The following ZNF462 variants were observed in gnomAD, a reference collection of about 807,000 sequenced individuals.
ZNF462 encodes the protein zinc finger protein 462, also known as zinc finger PBX1-interacting protein.
ZNF462 carries 10 observed loss-of-function variants against 201.9 expected under a neutral mutation model. The ratio of observed to expected loss-of-function variants is 0.05; its 90% CI spans 0.03 to 0.08. ZNF462 has a LOEUF of 0.08. Ranked by LOEUF, ZNF462 falls within the 10% of genes least tolerant of loss-of-function variation. The pLI is 1.00. For synonymous variants in ZNF462, 1,227 were observed against 1,193.3 expected (o/e 1.03, Z -0.58); for missense variants, 2,523 against 3,168.3 (o/e 0.80, Z 4.89).
At position 106,920,412 on chromosome 9, in the gene ZNF462, T is replaced by C. The variant is rs917243907; in HGVS notation, c.-30-2942T>C. ...GAGAAATGTGTACACAAAAGCAAGA[T>C]GGCTTTCAAAGTAGGCTACATCCTC... On this transcript the variant is annotated intron_variant, in intron 1 of 12. Transcript: ENST00000277225. This position sits in a 1 kb window ranked among gnomAD's most constrained non-coding sequence, Gnocchi z 4.3. 1.3e-5 allele frequency among the ~76,000 whole-genome samples: 2 copies of C among 152,240 alleles called. No individual in the cohort carries two copies. The highest frequency in any genetic ancestry group is 4.8e-5 in the African/African-American group (2 of 41,466).
rs1478932093 is a variant in ZNF462 at position 106,919,135 on chromosome 9, T to C, written c.-30-4219T>C. On this transcript the variant is annotated intron_variant, in intron 1 of 12. Transcript: ENST00000277225. This position sits in a 1 kb window ranked among gnomAD's most constrained non-coding sequence, Gnocchi z 4.5. The stretch of plus-strand genomic sequence containing the variant: ...TTAGATCCAGGCAAGGCCTATGCCT[T>C]TTAATTTGATCACTTCCTGAAGAGA... Among the ~76,000 whole-genome samples the C allele has an allele frequency of 2.0e-5, 3 of 152,250 alleles. No individual in the cohort carries two copies. Among genetic ancestry groups the C allele is most frequent in the African/African-American group, 7.2e-5 (3 of 41,478 alleles).
Position 107,003,995 on chromosome 9 carries a change from G to A in ZNF462, c.7189+569G>A, listed in dbSNP as rs1419346570. Among the ~76,000 whole-genome samples the A allele has an allele frequency of 6.6e-6, 1 of 152,118 alleles. No individual in the cohort carries two copies. The highest frequency in any genetic ancestry group is 1.5e-5 in the Non-Finnish European group (1 of 68,008). ...CAACTATGTATTTACAGAATACACT[G>A]GGGAAGGTTTTGTGGGACTTTGGTA... On this transcript the variant is annotated intron_variant, in intron 11 of 12. Coordinates refer to ENST00000277225, the MANE Select transcript of ZNF462 (RefSeq NM_021224.6). The surrounding 1 kb of genome is among the most constrained non-coding windows in gnomAD (Gnocchi z 4.4).
intron 1 of ZNF462, among the ~76,000 whole-genome samples, chr9:106,873,631 C>G (rs1177921612): frequency 6.6e-6 from 1 of 152,138 alleles, no homozygotes; most frequent in African/African-American, 2.4e-5. Flanking sequence ...CCCTCCACCC[C>G]TTTTTGTGAT....
rs372431011 is a variant in ZNF462 at position 106,929,039 on chromosome 9, C to A, written c.5127C>A (p.Arg1709=). 161 of 1,613,974 alleles carry A rather than the reference C, an allele frequency of 1.0e-4. No individual in the cohort carries two copies. Among genetic ancestry groups the A allele is most frequent in the Non-Finnish European group, 1.3e-4 (157 of 1,180,044 alleles). ...CALCAYTNPI[R]KGLAAHYQKR... ...TGTGTGCCTACACCAACCCCATCCGCAAAGGTCTGGCAGCCCACTACCAGA... is the reference window on the plus strand; with the variant it reads ...TGTGTGCCTACACCAACCCCATCCGAAAAGGTCTGGCAGCCCACTACCAGA... Residue 1709 remains arginine, a synonymous_variant, in exon 3 of 13, where the codon CGC becomes CGA. Transcript: ENST00000277225. This position sits in a 1 kb window ranked among gnomAD's most constrained non-coding sequence, Gnocchi z 8.7.
Position 106,966,329 on chromosome 9 carries a change from T to C in ZNF462, c.6428-5676T>C, listed in dbSNP as rs895378319. On this transcript the variant is annotated intron_variant, in intron 7 of 12. Coordinates refer to ENST00000277225, the MANE Select transcript of ZNF462 (RefSeq NM_021224.6). This position sits in a 1 kb window ranked among gnomAD's most constrained non-coding sequence, Gnocchi z 4.4. ...TTTTTTCATTGTGATAATAATGTAG[T>C]TGTTGAATTTCTGTTTAGTTTCTCC... is the stretch of plus-strand genomic sequence containing the variant. Among the ~76,000 whole-genome samples, 4 of 152,054 alleles carry C rather than the reference T, an allele frequency of 2.6e-5. No individual in the cohort carries two copies. Among genetic ancestry groups the C allele is most frequent in the African/African-American group, 9.7e-5 (4 of 41,400 alleles).
chr9:106,867,344 A>T (rs776481868), intron 1 of ZNF462, among the ~76,000 whole-genome samples: 1 of 152,222 alleles, frequency 6.6e-6, no homozygotes, highest in Non-Finnish European at 1.5e-5. Flanking sequence ...AGACAAGTTC[A>T]TGTGGCTTAT....
rs1827275596 is a variant in ZNF462 at position 106,865,125 on chromosome 9, G to A, written c.-31+1770G>A. On this transcript the variant is annotated intron_variant, in intron 1 of 12. Transcript: ENST00000277225. The surrounding 1 kb of genome is among the most constrained non-coding windows in gnomAD (Gnocchi z 4.1). ...TGCAAGGAAATGAGGGCTTTTAAGGGTTCCTCAGATTTTTCTCCACCAAAG... is the reference window on the plus strand; with the variant it reads ...TGCAAGGAAATGAGGGCTTTTAAGGATTCCTCAGATTTTTCTCCACCAAAG... Among the ~76,000 whole-genome samples the A allele has an allele frequency of 6.6e-6, 1 of 152,234 alleles. No individual in the cohort carries two copies. The highest frequency in any genetic ancestry group is 2.1e-4 in the South Asian group (1 of 4,818).
intron 1 of ZNF462, among the ~76,000 whole-genome samples, chr9:106,864,052 CTCTCTCT>C (rs1827186226): frequency 3.6e-5 from 2 of 55,994 alleles, no homozygotes; most frequent in African/African-American, 1.7e-4. Context: ...CTCTCTCTCT[CTCTCTCT>C]CTCTCTCTCT....
At position 106,917,108 on chromosome 9, in the gene ZNF462, G is replaced by A. The variant is rs1829805191; in HGVS notation, c.-30-6246G>A. Among the ~76,000 whole-genome samples, 1 of 152,222 alleles carries A rather than the reference G, an allele frequency of 6.6e-6. No homozygotes were observed. The highest frequency in any genetic ancestry group is 1.5e-5 in the Non-Finnish European group (1 of 68,044). On this transcript the variant is annotated intron_variant, in intron 1 of 12. Coordinates refer to ENST00000277225, the MANE Select transcript of ZNF462 (RefSeq NM_021224.6). The surrounding 1 kb of genome is among the most constrained non-coding windows in gnomAD (Gnocchi z 4.5). ...AATGCATGAATTCTCCAGAAGGTAT[G>A]TAGTATCTCTTTCTGTATGAGACAC...
At chr9:106,979,028 A>G in intron 9 of ZNF462, 1 of 203,678 alleles carries the variant, frequency 4.9e-6, no homozygotes, top group Non-Finnish European at 9.7e-6. Context: ...TCTCCTTGAT[A>G]ATACAATAGG....
chr9:106,967,564 A>G (rs886486525), intron 7 of ZNF462, among the ~76,000 whole-genome samples: 1 of 152,034 alleles, frequency 6.6e-6, no homozygotes, highest in Non-Finnish European at 1.5e-5. Flanking sequence ...AGGACATCCC[A>G]TTTAGAATTC....
rs1829947489 is a variant in ZNF462 at position 106,920,507 on chromosome 9, G to T, written c.-30-2847G>T. Reference sequence around the variant, plus strand: ...CTACCTGATGCTGGTTCTCTCAGCGGCCTGGAGATTAACCTCTTCTAAGGC... The same window carrying T: ...CTACCTGATGCTGGTTCTCTCAGCGTCCTGGAGATTAACCTCTTCTAAGGC... On this transcript the variant is annotated intron_variant, in intron 1 of 12. Transcript: ENST00000277225. This position sits in a 1 kb window ranked among gnomAD's most constrained non-coding sequence, Gnocchi z 4.3. Among the ~76,000 whole-genome samples the T allele has an allele frequency of 1.3e-5, 2 of 152,208 alleles. No homozygotes were observed.
At chr9:106,900,533 G>A (rs1468747532) in intron 1 of ZNF462, among the ~76,000 whole-genome samples, 1 of 152,008 alleles carries the variant, frequency 6.6e-6, no homozygotes, top group Admixed American at 6.6e-5. Flanking sequence ...TCTGTTCACC[G>A]CATCCATGCC....
intron 7 of ZNF462, among the ~76,000 whole-genome samples, chr9:106,971,663 A>T (rs1008375518): frequency 2.6e-5 from 4 of 151,976 alleles, no homozygotes; most frequent in Non-Finnish European, 5.9e-5. Context: ...AGTTCTAGGG[A>T]TCCAATGTGC....
Position 107,012,086 on chromosome 9 carries a change from TAAC to T in ZNF462, c.*1059_*1061del, listed in dbSNP as rs1271660525. 2.0e-5 allele frequency: 3 copies of T among 148,368 alleles called. No individual in the cohort carries two copies. Among genetic ancestry groups the T allele is most frequent in the Non-Finnish European group, 3.0e-5 (2 of 67,056 alleles). The allele number at this position is 148,368 out of a possible 1,614,324, so 9.2% of individuals were successfully genotyped here. A position where few individuals can be genotyped will look rare whatever the true frequency, so the allele number is the denominator to read the frequency against. ...AATGTTTTTATTTTAAACATGGAAA[TAAC>T]AAAGAAGTTAACTTTCTTTTTTTTT... is the stretch of plus-strand genomic sequence containing the variant. On this transcript the variant is annotated 3_prime_UTR_variant, in exon 13 of 13. Transcript: ENST00000277225.
In ZNF462 at chr9:106,927,908, A is replaced by G. The variant is rs144568759; in HGVS notation, c.3996A>G (p.Gln1332=). The G allele has an allele frequency of 9.4e-4, 1,512 of 1,614,216 alleles. 13 individuals carry two copies. In the African/African-American group the frequency reaches 0.018, roughly 19 times the overall value. The part of the protein sequence containing the change: ...TEPNGLLLHY[Q]RRHPEHYVDY... ...CCAACGGTTTGCTCCTGCATTACCA[A>G]CGGAGGCATCCAGAACACTATGTTG... Residue 1332 remains glutamine, a synonymous_variant, in exon 3 of 13, where the codon CAA becomes CAG. Transcript: ENST00000277225.
rs1387276176 is a variant in ZNF462, at chr9:106,986,770, C to T, written c.7056+2361C>T. Among the ~76,000 whole-genome samples, 4 of 152,128 alleles carry T rather than the reference C, an allele frequency of 2.6e-5. No individual in the cohort carries two copies. The South Asian group carries it at 8.3e-4, about 32-fold the overall frequency. On this transcript the variant is annotated intron_variant, in intron 10 of 12. Transcript: ENST00000277225. ...TAGTCTTTTATCCCTTGCCCCCCTC[C>T]ACCCTTCCTCCCAAGTCCCCAAAGT...
intron 1 of ZNF462, among the ~76,000 whole-genome samples, chr9:106,908,931 ATATATATATATT>A (rs1829404850): frequency 3.0e-5 from 1 of 33,242 alleles, no homozygotes; most frequent in Non-Finnish European, 5.0e-5. Flanking sequence ...ATATATATAT[ATATATATATATT>A]TTTTTTTTTT....
At position 106,927,127 on chromosome 9, in the gene ZNF462, T is replaced by C; in HGVS notation, c.3215T>C (p.Val1072Ala). The C allele has an allele frequency of 6.2e-7, 1 of 1,614,214 alleles. No individual in the cohort carries two copies. The change falls in exon 3 of 13, where the codon GTG (valine) becomes GCG (alanine). Residue 1072 changes from valine (V) to alanine (A), a missense_variant. This residue lies in a region of ZNF462 where 280 missense variants were observed against 321.3 expected (regional missense o/e 0.87). Transcript: ENST00000277225. The part of the protein sequence containing the change: ...RIQKTMRMVS[V>A]DRGSALSQLS... ...CAGAAAACTATGCGAATGGTGTCTGTGGACAGGGGCTCTGCCCTTTCTCAA... is the reference window on the plus strand; with the variant it reads ...CAGAAAACTATGCGAATGGTGTCTGCGGACAGGGGCTCTGCCCTTTCTCAA...
Sources: allele counts gnomAD v4.1 joint callset (sites outside exome capture counted in the v4.1 genomes callset), GRCh38; gene constraint gnomAD v4.1.1; regional missense constraint gnomAD v4.1.1; non-coding constraint Gnocchi (gnomAD v3.1); transcripts MANE v1.5; gene names NCBI Gene and HGNC (gene_info 2026-07-23, HGNC 2026-07-21).